The following BTD variants were observed in gnomAD, a reference collection of about 807,000 sequenced individuals.
BTD encodes the protein biotinidase.
In BTD, 13 loss-of-function variants were observed where a neutral mutation model predicts 17.7. The ratio of observed to expected loss-of-function variants is 0.74; its 90% CI spans 0.48 to 1.17. The LOEUF (loss-of-function observed/expected upper bound fraction) is 1.17. BTD is among the 50% of genes most tolerant of loss of function. The probability of loss-of-function intolerance (pLI) is 0.00; values close to 1 mark genes in which losing one functional copy is unlikely to be tolerated. For synonymous variants in BTD, 240 were observed against 245.2 expected, an observed-to-expected ratio of 0.98 and a Z score of 0.20; for missense variants, 674 against 650.4, an observed-to-expected ratio of 1.04 and a Z score of -0.39.
intron 3 of BTD, chr3:15,685,244 G>A (rs2067976179): frequency 2.5e-6 from 4 of 1,613,850 alleles, no homozygotes; most frequent in Non-Finnish European, 3.4e-6. Context: ...CAAGCCCAGT[G>A]AAGTGCCGTA....
chr3:15,700,184 AGGAGAACACAT>A, intron 3 of BTD, among the ~76,000 whole-genome samples: 1 of 152,160 alleles, frequency 6.6e-6, no homozygotes. Flanking sequence ...GAGCTGAACA[AGGAGAACACAT>A]GGAGGGGAAC....
chr3:15,691,529 G>A (rs2068800029), intron 3 of BTD, among the ~76,000 whole-genome samples: 1 of 152,170 alleles, frequency 6.6e-6, no homozygotes, highest in Non-Finnish European at 1.5e-5. Context: ...ACTAAATGCT[G>A]AGCAGGACAT....
upstream of BTD, chr3:15,601,707 A>T (rs2064247952): frequency 6.4e-7 from 1 of 1,561,766 alleles, no homozygotes; most frequent in Non-Finnish European, 8.7e-7. Flanking sequence ...CGGCTCCTCC[A>T]TTCGCGCGCC....
At chr3:15,616,737 C>T (rs1029220595) in intron 1 of BTD, among the ~76,000 whole-genome samples, 2 of 152,100 alleles carry the variant, frequency 1.3e-5, no homozygotes, top group East Asian at 1.9e-4. Context: ...TTTGCAATTC[C>T]CTTGTGACAT....
upstream of BTD, chr3:15,601,642 G>C (rs1457569748): frequency 4.5e-6 from 7 of 1,553,578 alleles, no homozygotes; most frequent in Non-Finnish European, 6.1e-6. Flanking sequence ...CCACTTCCCG[G>C]GAGAGGTGAG....
intron 1 of BTD, among the ~76,000 whole-genome samples, chr3:15,632,156 C>G (rs929879804): frequency 3.3e-5 from 5 of 152,200 alleles, no homozygotes; most frequent in Admixed American, 3.3e-4. Context: ...ATCACCCTCT[C>G]ATCGAGGTCT....
Position 15,644,591 on chromosome 3 carries a change from C to T in BTD, c.675C>T (p.Cys225=), listed in dbSNP as rs767518580. Residue 225 remains cysteine (C), a synonymous_variant, in exon 4 of 4, where the codon TGC becomes TGT. Transcript: ENST00000643237. The part of the protein sequence containing the change: ...PFAGRFGIFT[C]FDILFFDPAI... ...CTGGCAGGTTTGGCATCTTCACATG[C>T]TTTGATATATTGTTCTTTGACCCTG... is the stretch of plus-strand genomic sequence containing the variant. 1 of 1,614,156 alleles carries T rather than the reference C, an allele frequency of 6.2e-7. No individual in the cohort carries two copies. The highest frequency in any genetic ancestry group is 8.5e-7 in the Non-Finnish European group (1 of 1,180,026).
exon 4 of BTD, among the ~76,000 whole-genome samples, chr3:15,712,482 A>G (rs1254693550): frequency 1.3e-5 from 2 of 152,190 alleles, no homozygotes; most frequent in South Asian, 2.1e-4. Flanking sequence ...CATTCTGTGC[A>G]TACAGGCTTA....
downstream of BTD, among the ~76,000 whole-genome samples, chr3:15,717,632 A>G (rs1050794844): frequency 6.6e-5 from 10 of 152,196 alleles, no homozygotes; most frequent in African/African-American, 2.4e-4. Flanking sequence ...AACACTTCAC[A>G]GTATTTTTTT....
chr3:15,715,097 CTAAA>C (rs1356570114), downstream of BTD, among the ~76,000 whole-genome samples: 3 of 152,234 alleles, frequency 2.0e-5, no homozygotes, highest in Non-Finnish European at 2.9e-5. Flanking sequence ...GTTACGTGTA[CTAAA>C]TATTTTCTCA....
At chr3:15,669,851 C>A in intron 3 of BTD, 1 of 155,502 alleles carries the variant, frequency 6.4e-6, no homozygotes, top group Non-Finnish European at 1.4e-5. Flanking sequence ...ATTTGCTGTG[C>A]ACATAATGCC....
intron 3 of BTD, among the ~76,000 whole-genome samples, chr3:15,700,264 A>G (rs1053922868): frequency 6.6e-6 from 1 of 152,112 alleles, no homozygotes; most frequent in Non-Finnish European, 1.5e-5. Context: ...ATGTGGACAC[A>G]GGGAGGGGAA....
intron 1 of BTD, chr3:15,631,310 A>G: frequency 1.3e-6 from 1 of 775,692 alleles, no homozygotes; most frequent in Non-Finnish European, 2.0e-6. Context: ...GTAAAGAATG[A>G]CAAGATATTT....
At chr3:15,658,794 C>G (rs1232632648) in intron 3 of BTD, among the ~76,000 whole-genome samples, 3 of 152,208 alleles carry the variant, frequency 2.0e-5, no homozygotes, top group Non-Finnish European at 4.4e-5. Context: ...CTATGTCACT[C>G]TCTTTCTGCA....
chr3:15,712,956 A>C (rs1041229390), downstream of BTD, among the ~76,000 whole-genome samples: 4 of 152,250 alleles, frequency 2.6e-5, no homozygotes, highest in Non-Finnish European at 5.9e-5. Context: ...AATGTGATAC[A>C]AAGAATGATA....
intron 3 of BTD, chr3:15,676,154 C>G (rs779058247): frequency 2.0e-5 from 10 of 497,898 alleles, no homozygotes; most frequent in Non-Finnish European, 3.2e-5. Flanking sequence ...AGAGCAGAAC[C>G]TCTGTGCAGT....
At chr3:15,721,140 A>T (rs770131359) in intron 4 of BTD, 26 of 1,588,886 alleles carry the variant, frequency 1.6e-5, no homozygotes, top group Non-Finnish European at 2.2e-5. Context: ...ATTAGAAGGG[A>T]AAAAAATGCG....
chr3:15,700,861 G>C (rs1175865980), intron 3 of BTD, among the ~76,000 whole-genome samples: 1 of 152,166 alleles, frequency 6.6e-6, no homozygotes, highest in Non-Finnish European at 1.5e-5. Context: ...ACTGGTACCA[G>C]TGATCTTGGG....
chr3:15,638,980 A>G (rs1293098616), intron 2 of BTD, among the ~76,000 whole-genome samples: 1 of 152,250 alleles, frequency 6.6e-6, no homozygotes, highest in African/African-American at 2.4e-5. Context: ...CATGCAGTGC[A>G]TGACTATATT....
Sources: allele counts gnomAD v4.1 joint callset (sites outside exome capture counted in the v4.1 genomes callset), GRCh38; gene constraint gnomAD v4.1.1; transcripts MANE v1.5; gene names NCBI Gene and HGNC (gene_info 2026-07-23, HGNC 2026-07-21).